LONP1: variants seen among roughly 807,000 people sequenced by gnomAD.
The protein encoded by LONP1 is lon peptidase 1, mitochondrial, also known as lon protease homolog, mitochondrial.
In LONP1, 31 loss-of-function variants were observed where a neutral mutation model predicts 98.5. That is an observed-to-expected ratio of 0.31 (90% confidence interval 0.24 to 0.42). The LOEUF (loss-of-function observed/expected upper bound fraction) is 0.42. LONP1 is among the 20% of genes least tolerant of loss of function. The pLI is 1.00. For synonymous variants in LONP1, 781 were observed against 594.7 expected (o/e 1.31, Z -4.56); for missense variants, 1,336 against 1,350.6 (o/e 0.99, Z 0.17).
intron 10 of LONP1, among the ~76,000 whole-genome samples, chr19:5,698,485 G>C (rs2054982541): frequency 6.6e-6 from 1 of 152,220 alleles, no homozygotes; most frequent in Admixed American, 6.5e-5. Flanking sequence ...GGAGGGCGCT[G>C]AACTCTGAGG....
In LONP1 at chr19:5,693,300, C is replaced by T; in HGVS notation, c.2701G>A (p.Ala901Thr). 1 of 1,610,160 alleles carries T rather than the reference C, an allele frequency of 6.2e-7. No individual in the cohort carries two copies. Among genetic ancestry groups the T allele is most frequent in the South Asian group, 1.1e-5 (1 of 90,816 alleles). The part of the protein sequence containing the change: ...PVGGIKEKTI[A>T]AKRAGVTCIV... ...GGGGTGGGTACAGGGACACTCACCGCAATGGTCTTCTCCTTGATGCCACCA... is the reference window on the plus strand; with the variant it reads ...GGGGTGGGTACAGGGACACTCACCGTAATGGTCTTCTCCTTGATGCCACCA... Residue 901 changes from alanine to threonine, a missense_variant and splice_region_variant, in exon 17 of 18, where the codon GCG becomes ACG. Around this residue, in one of 5 missense-constraint regions of LONP1, gnomAD observed 555 missense variants for 542.6 expected, o/e 1.02. Coordinates refer to ENST00000360614, the MANE Select transcript of LONP1 (RefSeq NM_004793.4).
intron 10 of LONP1, among the ~76,000 whole-genome samples, chr19:5,698,660 C>G (rs376262071): frequency 2.0e-5 from 3 of 152,232 alleles, no homozygotes; most frequent in African/African-American, 7.2e-5. Context: ...CACCCCTAGT[C>G]CTGGGGCATC....
At chr19:5,700,657 T>A in intron 9 of LONP1, 132 bp downstream of exon 9, 1 of 1,262,802 alleles carries the variant, frequency 7.9e-7, no homozygotes, top group Non-Finnish European at 1.1e-6. Flanking sequence ...TCCGCCGGGA[T>A]CCCCCCGACC....
At chr19:5,708,652 C>T (rs1290386920) in intron 4 of LONP1, 1 of 478,634 alleles carries the variant, frequency 2.1e-6, no homozygotes, top group African/African-American at 1.9e-5. Flanking sequence ...CCCTCAGAGC[C>T]TTGTCCTTAG....
intron 8 of LONP1, among the ~76,000 whole-genome samples, chr19:5,704,405 G>T (rs534049824): frequency 6.6e-6 from 1 of 152,162 alleles, no homozygotes; most frequent in African/African-American, 2.4e-5. Flanking sequence ...CAGCCTTCGC[G>T]CGCAACCAGT....
chr19:5,708,623 C>A, intron 4 of LONP1: 1 of 533,136 alleles, frequency 1.9e-6, no homozygotes, highest in Admixed American at 3.1e-5. Flanking sequence ...AAAACTAAAA[C>A]CAAACCCTGT....
At chr19:5,707,275 G>T in intron 6 of LONP1, 132 bp from the exon 7 acceptor site, 1 of 711,932 alleles carries the variant, frequency 1.4e-6, no homozygotes, top group Non-Finnish European at 2.5e-6. Flanking sequence ...CCAGCACAGA[G>T]GCATGTGTGC....
chr19:5,694,691 A>C lies in LONP1; in HGVS notation c.2154+70T>G, dbSNP rs886947782. The C allele has an allele frequency of 2.0e-6, 3 of 1,502,598 alleles. No individual in the cohort carries two copies. The African/African-American group carries it at 4.1e-5, about 21-fold the overall frequency. 93.1% of individuals were successfully genotyped at this position (1,502,598 alleles called of 1,614,324 possible). A position where few individuals can be genotyped will look rare whatever the true frequency, so the allele number is the denominator to read the frequency against. On this transcript the variant is annotated intron_variant, in intron 14 of 17. Transcript: ENST00000360614. ...CAGGAAAGTGGGATGATGGGCATGG[A>C]AAGGTGGGGTGATCAGCGTGGGATG...
At chr19:5,696,645 G>A in intron 11 of LONP1, 25 bp downstream of exon 11, 1 of 1,550,532 alleles carries the variant, frequency 6.4e-7, no homozygotes, top group Non-Finnish European at 8.8e-7. Flanking sequence ...CGGGTTAGGG[G>A]GTCTCCGGGC....
At chr19:5,698,718 G>A (rs924690588) in intron 10 of LONP1, among the ~76,000 whole-genome samples, 1 of 152,244 alleles carries the variant, frequency 6.6e-6, no homozygotes, top group African/African-American at 2.4e-5. Flanking sequence ...CGCCGGCCCT[G>A]CAGCTCTGGC....
At chr19:5,712,055 C>A in intron 3 of LONP1, 53 bp from the exon 4 acceptor site, 1 of 1,475,658 alleles carries the variant, frequency 6.8e-7, no homozygotes, top group Non-Finnish European at 9.3e-7. Flanking sequence ...GGGAGCTGGA[C>A]CCGGCTGAGG....
intron 10 of LONP1, among the ~76,000 whole-genome samples, chr19:5,698,166 G>GC (rs908042929): frequency 6.6e-5 from 10 of 150,560 alleles, no homozygotes; most frequent in Non-Finnish European, 1.3e-4. Context: ...CAGAGTGGCC[G>GC]CCCCCTGGGG....
At chr19:5,705,655 G>A (rs754872412) in intron 8 of LONP1, 117 bp downstream of exon 8, 267 of 780,706 alleles carry the variant, frequency 3.4e-4, no homozygotes, top group Non-Finnish European at 4.9e-4. Context: ...CTCCCAGCCC[G>A]CACCTGCCAC....
chr19:5,700,275 A>G (rs2055016283), intron 9 of LONP1, among the ~76,000 whole-genome samples: 1 of 151,926 alleles, frequency 6.6e-6, no homozygotes, highest in Non-Finnish European at 1.5e-5. Flanking sequence ...CACCACGCCT[A>G]ACTAATTTTG....
chr19:5,691,930 C>T lies in LONP1; in HGVS notation c.*102G>A, dbSNP rs577873800. The T allele has an allele frequency of 4.4e-4, 596 of 1,355,050 alleles. No individual in the cohort carries two copies. Among genetic ancestry groups the T allele is most frequent in the Non-Finnish European group, 5.4e-4 (539 of 995,696 alleles). The allele number at this position is 1,355,050 out of a possible 1,614,324, so 83.9% of individuals were successfully genotyped here. A position where few individuals can be genotyped will look rare whatever the true frequency, so the allele number is the denominator to read the frequency against. ...ATCTGGGTCACTGGACCGAGCTGCT[C>T]GCTCGGTGGCTCCACTGCCAGGTCC... On this transcript the variant is annotated 3_prime_UTR_variant, in exon 18 of 18. Transcript: ENST00000360614.
intron 4 of LONP1, among the ~76,000 whole-genome samples, chr19:5,711,188 G>A (rs1331598616): frequency 1.3e-5 from 2 of 152,202 alleles, no homozygotes; most frequent in Non-Finnish European, 2.9e-5. Context: ...AGGCCCTGCA[G>A]CAGCCTGGGG....
chr19:5,717,900 T>C (rs2055347585), intron 1 of LONP1, among the ~76,000 whole-genome samples: 1 of 150,504 alleles, frequency 6.6e-6, no homozygotes, highest in African/African-American at 2.4e-5. Flanking sequence ...TCTTTTTTTT[T>C]TTTTTTTTGT....
rs1322435701 is a variant in LONP1 at position 5,708,506 on chromosome 19, A to AGTATGGGGCAGGGTCG, written c.871-104_871-103insCGACCCTGCCCCATAC. ...GGAGCCCCACCCACCAGCTCCATCA[A>AGTATGGGGCAGGGTCG]CTCCCTCCCCTCCGCCAACTGGCCC... On this transcript the variant is annotated intron_variant, in intron 4 of 17. Transcript: ENST00000360614. 367 of 887,542 alleles carry AGTATGGGGCAGGGTCG rather than the reference A, an allele frequency of 4.1e-4. 20 individuals carry two copies. The highest frequency in any genetic ancestry group is 6.6e-4 in the South Asian group (45 of 68,390). 55.0% of individuals were successfully genotyped at this position (887,542 alleles called of 1,614,324 possible).
At chr19:5,694,247 G>A (rs1010655783) in intron 15 of LONP1, 140 bp downstream of exon 15, 2 of 1,106,594 alleles carry the variant, frequency 1.8e-6, no homozygotes, top group African/African-American at 3.1e-5. Context: ...CAGACCCCCT[G>A]GGCTCCCAGC....
Sources: gnomAD v4.1 joint callset for allele counts (sites outside exome capture counted in the v4.1 genomes callset) on GRCh38, gnomAD v4.1.1 for gene constraint, gnomAD v4.1.1 regional missense constraint, MANE v1.5 for transcripts, NCBI Gene and HGNC (gene_info 2026-07-23, HGNC 2026-07-21) for gene names.